Variants in DIAPH2 observed in about 807,000 individuals in gnomAD.
DIAPH2 encodes protein diaphanous homolog 2.
A neutral mutation model predicts 92.7 loss-of-function variants in DIAPH2; 35 were observed. The observed-to-expected ratio is 0.38, with a 90% CI of 0.29 to 0.50. DIAPH2 has a LOEUF of 0.50. Ranked by LOEUF, DIAPH2 falls within the 20% of genes least tolerant of loss-of-function variation. The pLI is 0.94. For synonymous variants in DIAPH2, 301 were observed against 280.4 expected, an observed-to-expected ratio of 1.07 and a Z score of -0.73; for missense variants, 701 against 819.5, an observed-to-expected ratio of 0.86 and a Z score of 1.77.
intron 23 of DIAPH2, among the ~76,000 whole-genome samples, chrX:97,296,380 A>T (rs2068643489): frequency 1.8e-5 from 2 of 111,950 alleles, no homozygotes; most frequent in Admixed American, 1.9e-4. Flanking sequence ...TAATTTATCT[A>T]TGCCTGAAGT....
intron 1 of DIAPH2, among the ~76,000 whole-genome samples, chrX:96,730,986 G>A (rs1384025980): frequency 9.0e-6 from 1 of 110,970 alleles, no homozygotes; most frequent in Non-Finnish European, 1.9e-5. Flanking sequence ...AGGAGTGGGA[G>A]TCACAAGGTG....
chrX:96,768,004 A>G (rs777787598), intron 4 of DIAPH2, among the ~76,000 whole-genome samples: 13 of 112,129 alleles, frequency 1.2e-4, no homozygotes, highest in South Asian at 3.7e-4. Context: ...ACTTTTTTCA[A>G]TGGCTTCTCG....
At chrX:97,025,195 C>A (rs1436813530) in intron 17 of DIAPH2, among the ~76,000 whole-genome samples, 2 of 109,605 alleles carry the variant, frequency 1.8e-5, no homozygotes, top group Non-Finnish European at 3.8e-5. Flanking sequence ...ACTAAAAATA[C>A]AAATATTAGC....
chrX:97,370,350 G>A (rs765387577), intron 24 of DIAPH2, among the ~76,000 whole-genome samples: 3 of 111,124 alleles, frequency 2.7e-5, no homozygotes, highest in African/African-American at 9.8e-5. Context: ...CTCAGAAATA[G>A]GATCAAGCTC....
At chrX:96,914,317 A>C (rs1402323325) in intron 7 of DIAPH2, among the ~76,000 whole-genome samples, 1 of 111,081 alleles carries the variant, frequency 9.0e-6, no homozygotes, top group Admixed American at 9.6e-5. Context: ...ACAAAGTTAA[A>C]CAGAATCTGA....
At chrX:96,973,688 C>CT (rs1169211955) in intron 17 of DIAPH2, among the ~76,000 whole-genome samples, 2,807 of 46,558 alleles carry the variant, frequency 0.06, 254 homozygotes, top group African/African-American at 0.17. Context: ...TGAATATTTG[C>CT]TTTTTTTTTT....
In DIAPH2 at chrX:97,318,224, C is replaced by T. The variant is rs757138586; in HGVS notation, c.2845-29892C>T. On this transcript the variant is annotated intron_variant, in intron 23 of 26. Coordinates refer to ENST00000324765, the MANE Select transcript of DIAPH2 (RefSeq NM_006729.5). ...CGCCATCTCGGCTCACTGCAACTTC[C>T]GCCTCCCAGGTTCAAGCGATTCTCC... Among the ~76,000 whole-genome samples, 6 of 109,206 alleles carry T rather than the reference C, an allele frequency of 5.5e-5. No individual in the cohort carries two copies. The East Asian group carries it at 1.8e-3, about 32-fold the overall frequency. 94.8% of individuals were successfully genotyped at this position (109,206 alleles called of 115,157 possible). A position where few individuals can be genotyped will look rare whatever the true frequency, so the allele number is the denominator to read the frequency against.
intron 22 of DIAPH2, among the ~76,000 whole-genome samples, chrX:97,205,296 G>A (rs1055683299): frequency 7.2e-5 from 8 of 111,675 alleles, no homozygotes; most frequent in African/African-American, 2.0e-4. Context: ...TGCCAAAAGC[G>A]ATGGCAACAA....
intron 23 of DIAPH2, among the ~76,000 whole-genome samples, chrX:97,276,142 C>T (rs772709885): frequency 6.3e-5 from 7 of 110,328 alleles, no homozygotes; most frequent in East Asian, 2.9e-4. Context: ...TCAGGCGTGG[C>T]GGCGCGTGCC....
intron 23 of DIAPH2, among the ~76,000 whole-genome samples, chrX:97,333,573 T>A (rs1452409738): frequency 9.1e-6 from 1 of 109,821 alleles, no homozygotes; most frequent in Non-Finnish European, 1.9e-5. Flanking sequence ...TATTCCTTTT[T>A]TTTTTCTTTG....
rs141257376 is a variant in DIAPH2, at chrX:97,332,726, G to A, written c.2845-15390G>A. Among the ~76,000 whole-genome samples, 400 of 111,424 alleles carry A rather than the reference G, an allele frequency of 3.6e-3. 1 individual carries two copies. Among genetic ancestry groups the A allele is most frequent in the African/African-American group, 0.013 (386 of 30,752 alleles). ...TCATTCCAAAACAACAGACATATCA[G>A]AAGTACCTGGTACCATAAAAATTAA... On this transcript the variant is annotated intron_variant, in intron 23 of 26. Transcript: ENST00000324765.
At chrX:96,695,104 C>G (rs2063818593) in intron 1 of DIAPH2, among the ~76,000 whole-genome samples, 1 of 111,177 alleles carries the variant, frequency 9.0e-6, no homozygotes, top group Admixed American at 9.5e-5. Flanking sequence ...TACATCACCC[C>G]ACCCGGCTAA....
intron 5 of DIAPH2, among the ~76,000 whole-genome samples, chrX:96,892,985 A>T (rs949060798): frequency 3.6e-5 from 4 of 111,864 alleles, no homozygotes; most frequent in African/African-American, 1.3e-4. Flanking sequence ...AAACACTTAT[A>T]TGCATTTTCT....
rs376755676 is a variant in DIAPH2 at position 97,078,934 on chromosome X, G to A, written c.2247+3673G>A. Among the ~76,000 whole-genome samples the A allele has an allele frequency of 3.3e-4, 37 of 110,709 alleles. No individual in the cohort carries two copies. The South Asian group carries it at 0.011, about 34-fold the overall frequency. Reference sequence around the variant, plus strand: ...TTTATTTTTCTGGTATAGATAAGCCGTCATATAGGGTAGCAATGAGAAAGA... The same window carrying A: ...TTTATTTTTCTGGTATAGATAAGCCATCATATAGGGTAGCAATGAGAAAGA... On this transcript the variant is annotated intron_variant, in intron 19 of 26. Transcript: ENST00000324765.
intron 24 of DIAPH2, among the ~76,000 whole-genome samples, chrX:97,352,685 C>A (rs1406860139): frequency 3.7e-5 from 4 of 106,929 alleles, no homozygotes; most frequent in Middle Eastern, 4.9e-3. Flanking sequence ...CTGGCTAACA[C>A]GGTGAAACCC....
chrX:97,274,494 C>T (rs2068420383), intron 23 of DIAPH2, among the ~76,000 whole-genome samples: 1 of 96,704 alleles, frequency 1.0e-5, no homozygotes, highest in Non-Finnish European at 2.1e-5. Flanking sequence ...GGCAACAGAG[C>T]GAGACTCCAT....
At chrX:97,091,707 G>A (rs2066826808) in intron 19 of DIAPH2, among the ~76,000 whole-genome samples, 1 of 111,438 alleles carries the variant, frequency 9.0e-6, no homozygotes. Flanking sequence ...ACTATGAAGA[G>A]ATTATTTCAC....
chrX:96,882,587 C>T (rs1016560351), intron 5 of DIAPH2, among the ~76,000 whole-genome samples: 3 of 110,366 alleles, frequency 2.7e-5, no homozygotes, highest in African/African-American at 6.6e-5. Context: ...AACTGTGGTT[C>T]CTTTATTAAG....
intron 21 of DIAPH2, among the ~76,000 whole-genome samples, 180 bp downstream of exon 21, chrX:97,115,145 TAA>T (rs1456653275): frequency 2.7e-5 from 3 of 112,364 alleles, no homozygotes; most frequent in African/African-American, 9.7e-5. Context: ...TAGTAAAATC[TAA>T]AAGACTTGAA....
Sources: allele counts gnomAD v4.1 joint callset (sites outside exome capture counted in the v4.1 genomes callset), GRCh38; gene constraint gnomAD v4.1.1; transcripts MANE v1.5; gene names NCBI Gene and HGNC (gene_info 2026-07-23, HGNC 2026-07-21).